The following ELF1 variants were observed in gnomAD, a reference collection of about 807,000 sequenced individuals.
The protein encoded by ELF1 is ETS-related transcription factor Elf-1.
ELF1 carries 24 observed loss-of-function variants against 59.9 expected under a neutral mutation model. The observed-to-expected ratio is 0.40, with a 90% confidence interval of 0.29 to 0.56. The LOEUF (loss-of-function observed/expected upper bound fraction) is 0.56. ELF1 is among the 20% of genes least tolerant of loss of function. The probability of loss-of-function intolerance (pLI) is 0.44; values close to 1 mark genes in which losing one functional copy is unlikely to be tolerated. For missense variants in ELF1, 627 were observed against 742.2 expected (o/e 0.84, Z 1.80); for synonymous variants, 248 against 266.2 (o/e 0.93, Z 0.67).
chr13:41,058,320 C>G (rs1231249304), intron 1 of ELF1, among the ~76,000 whole-genome samples: 1 of 152,210 alleles, frequency 6.6e-6, no homozygotes, highest in Non-Finnish European at 1.5e-5. Context: ...CAGCCTCATA[C>G]TTGTTCCCCC....
intron 1 of ELF1, among the ~76,000 whole-genome samples, chr13:41,034,546 T>C (rs1876295707): frequency 6.6e-6 from 1 of 152,046 alleles, no homozygotes; most frequent in Non-Finnish European, 1.5e-5. Context: ...TAAAAATAAA[T>C]CTCTTTCAAA....
intron 1 of ELF1, among the ~76,000 whole-genome samples, chr13:40,994,650 A>G (rs1321039272): frequency 6.6e-6 from 1 of 152,190 alleles, no homozygotes; most frequent in East Asian, 1.9e-4. Context: ...CTCAAAAAGA[A>G]AGAAATAAAC....
chr13:40,936,525 G>C (rs1190453735), intron 8 of ELF1, among the ~76,000 whole-genome samples: 1 of 152,046 alleles, frequency 6.6e-6, no homozygotes, highest in Non-Finnish European at 1.5e-5. Flanking sequence ...AGTCCAAGGT[G>C]GGTGGATCAC....
rs778799774 is a variant in ELF1, at chr13:40,933,753, T to C, written c.1532A>G (p.Asn511Ser). 6 of 1,614,256 alleles carry C rather than the reference T, an allele frequency of 3.7e-6. No homozygotes were observed. The South Asian group carries it at 6.6e-5, about 18-fold the overall frequency. Reference protein sequence around the residue: ...PAQVQQVLTSNVQTICNGTVS... With the variant: ...PAQVQQVLTSSVQTICNGTVS... ...GGTTCCATTGCAAATGGTCTGAACA[T>C]TGCTAGTAAGGACCTGCTGAACCTG... The change falls in exon 9 of 9, where the codon AAT (asparagine) becomes AGT (serine). Residue 511 changes from asparagine to serine, a missense_variant. Transcript: ENST00000239882.
At chr13:41,004,431 A>G (rs1874632923) in intron 1 of ELF1, among the ~76,000 whole-genome samples, 1 of 152,158 alleles carries the variant, frequency 6.6e-6, no homozygotes. Context: ...GTAGAATAGG[A>G]ATTTAATGAA....
intron 1 of ELF1, among the ~76,000 whole-genome samples, chr13:40,995,609 T>A (rs1874088928): frequency 2.1e-5 from 3 of 143,412 alleles, no homozygotes; most frequent in Admixed American, 6.9e-5. Flanking sequence ...GGCAATACAA[T>A]AAAGAAAAGA....
Position 40,933,674 on chromosome 13 carries a change from A to G in ELF1, c.1611T>C (p.Phe537=). The G allele has an allele frequency of 6.2e-7, 1 of 1,614,272 alleles. No individual in the cohort carries two copies. The highest frequency in any genetic ancestry group is 1.1e-5 in the South Asian group (1 of 91,086). Residue 537 remains phenylalanine, a synonymous_variant, in exon 9 of 9, where the codon TTT becomes TTC. Transcript: ENST00000239882. ...SFSATAPVVT[F]SPRSSQLVAH... is the part of the protein sequence containing the mutation. ...CAACCAGCTGTGAACTGCGAGGAGA[A>G]AAGGTCACCACAGGTGCAGTAGCAC...
chr13:41,010,233 G>A (rs1183468597), intron 1 of ELF1, among the ~76,000 whole-genome samples: 6 of 143,386 alleles, frequency 4.2e-5, no homozygotes, highest in East Asian at 2.0e-4. Context: ...TAGCCAGACC[G>A]CATACCCACC....
upstream of ELF1, among the ~76,000 whole-genome samples, chr13:41,019,865 G>A (rs2138391584): frequency 6.6e-6 from 1 of 152,234 alleles, no homozygotes; most frequent in East Asian, 1.9e-4. Flanking sequence ...AAAATTCAAA[G>A]TTCAGTGGAA....
chr13:40,983,399 C>T (rs1274908075), intron 1 of ELF1, among the ~76,000 whole-genome samples: 2 of 152,180 alleles, frequency 1.3e-5, no homozygotes, highest in Non-Finnish European at 2.9e-5. Context: ...TAGTATGTGT[C>T]AGCCAAATCA....
intron 1 of ELF1, among the ~76,000 whole-genome samples, chr13:41,037,583 T>C (rs1360247517): frequency 1.3e-5 from 2 of 151,922 alleles, no homozygotes; most frequent in African/African-American, 2.4e-5. Context: ...GATCATGAGG[T>C]CAGGAGTTTG....
At chr13:41,028,173 A>G (rs1180816947) in intron 1 of ELF1, among the ~76,000 whole-genome samples, 1 of 152,192 alleles carries the variant, frequency 6.6e-6, no homozygotes, top group Non-Finnish European at 1.5e-5. Context: ...ATTCCATGGA[A>G]CTGGAGTCAA....
chr13:41,044,593 G>A (rs977574646), intron 1 of ELF1, among the ~76,000 whole-genome samples: 18 of 152,118 alleles, frequency 1.2e-4, no homozygotes, highest in Non-Finnish European at 1.6e-4. Context: ...GATGGATTAC[G>A]TTTATTGATT....
At chr13:40,995,907 A>G (rs1207936801) in intron 1 of ELF1, among the ~76,000 whole-genome samples, 1 of 151,978 alleles carries the variant, frequency 6.6e-6, no homozygotes, top group Non-Finnish European at 1.5e-5. Context: ...GTGAAAGACA[A>G]TGTCAAGAGA....
intron 1 of ELF1, among the ~76,000 whole-genome samples, chr13:40,999,111 ATGT>A (rs1274989605): frequency 2.0e-5 from 3 of 152,354 alleles, no homozygotes; most frequent in South Asian, 2.1e-4. Context: ...TCGTGGTAAA[ATGT>A]TGTTAAGTAT....
chr13:40,945,189 G>T (rs1013224666), intron 5 of ELF1, among the ~76,000 whole-genome samples: 1 of 152,096 alleles, frequency 6.6e-6, no homozygotes, highest in African/African-American at 2.4e-5. Context: ...AAAAAAAATA[G>T]ATATCGTCTT....
At chr13:41,003,164 A>G (rs1436928074) in intron 1 of ELF1, among the ~76,000 whole-genome samples, 2 of 152,218 alleles carry the variant, frequency 1.3e-5, no homozygotes, top group Non-Finnish European at 2.9e-5. Context: ...ACTATTGTCA[A>G]AGTGACGTAC....
Position 40,958,969 on chromosome 13 carries a change from A to G in ELF1, c.120T>C (p.Pro40=). 1.2e-6 allele frequency: 2 copies of G among 1,613,644 alleles called. No homozygotes were observed. The highest frequency in any genetic ancestry group is 1.7e-6 in the Non-Finnish European group (2 of 1,179,824). The change falls in exon 3 of 9, where the codon CCT becomes CCC. Residue 40 remains proline, a synonymous_variant. Coordinates refer to ENST00000239882, the MANE Select transcript of ELF1 (RefSeq NM_172373.4). Reference sequence around the variant, plus strand: ...CATAACTATTGAGAATATCAGCACCAGGAACATGTTCCACAATTACGGCAG... The same window carrying G: ...CATAACTATTGAGAATATCAGCACCGGGAACATGTTCCACAATTACGGCAG... ...IFPAVIVEHV[P]GADILNSYAG...
chr13:40,940,386 G>GAAAAAAAAAAAAAAAAAAAAAAAAAA (rs375400990), intron 8 of ELF1, among the ~76,000 whole-genome samples: 1 of 109,874 alleles, frequency 9.1e-6, no homozygotes. Context: ...TGATTTAACT[G>GAAAAAAAAAAAAAAAAAAAAAAAAAA]AAAAAAAAAA....
Sources: gnomAD v4.1 joint callset for allele counts (sites outside exome capture counted in the v4.1 genomes callset) on GRCh38, gnomAD v4.1.1 for gene constraint, MANE v1.5 for transcripts, NCBI Gene and HGNC (gene_info 2026-07-23, HGNC 2026-07-21) for gene names.